The following KTN1 variants were observed in gnomAD, a reference collection of about 807,000 sequenced individuals.
KTN1 encodes the protein kinectin.
In KTN1, 130 loss-of-function variants were observed where a neutral mutation model predicts 222.5. That is an observed-to-expected ratio of 0.58 (90% CI 0.51 to 0.68). The LOEUF is 0.68. Ranked by LOEUF, KTN1 falls within the 30% of genes least tolerant of loss-of-function variation. The pLI is 0.00. For synonymous variants in KTN1, 512 were observed against 496.3 expected, an observed-to-expected ratio of 1.03 and a Z score of -0.42; for missense variants, 1,508 against 1,500.4, an observed-to-expected ratio of 1.01 and a Z score of -0.08.
At chr14:55,627,209 G>A (rs2039951280) in intron 5 of KTN1, among the ~76,000 whole-genome samples, 1 of 152,088 alleles carries the variant, frequency 6.6e-6, no homozygotes, top group Non-Finnish European at 1.5e-5. Flanking sequence ...TCTTGACTCT[G>A]AGTTTAAAAC....
chr14:55,642,490 G>A (rs757847623), intron 18 of KTN1, among the ~76,000 whole-genome samples: 5 of 152,000 alleles, frequency 3.3e-5, no homozygotes, highest in Non-Finnish European at 4.4e-5. Context: ...CTTCTTCTAC[G>A]CAGCTCTTAC....
intron 28 of KTN1, among the ~76,000 whole-genome samples, chr14:55,655,017 T>A (rs1176339046): frequency 6.6e-6 from 1 of 152,142 alleles, no homozygotes; most frequent in Non-Finnish European, 1.5e-5. Context: ...TCTTTCTCTG[T>A]GGCCCAGGCT....
At chr14:55,602,625 A>G (rs2036149170) in intron 1 of KTN1, among the ~76,000 whole-genome samples, 1 of 149,294 alleles carries the variant, frequency 6.7e-6, no homozygotes, top group Non-Finnish European at 1.5e-5. Context: ...TCTGTCGCCC[A>G]TGTTAGAGTG....
chr14:55,583,971 C>T (rs1041790897), intron 1 of KTN1, among the ~76,000 whole-genome samples: 1 of 152,192 alleles, frequency 6.6e-6, no homozygotes, highest in Non-Finnish European at 1.5e-5. Context: ...CTTACTGCTT[C>T]CACTGCTCAC....
chr14:55,620,191 G>A (rs1394343879), intron 5 of KTN1, among the ~76,000 whole-genome samples: 1 of 152,192 alleles, frequency 6.6e-6, no homozygotes, highest in Admixed American at 6.5e-5. Context: ...GTTTCAAGAG[G>A]TGGATTCCCA....
intron 1 of KTN1, among the ~76,000 whole-genome samples, chr14:55,583,723 C>T (rs2032274588): frequency 6.6e-6 from 1 of 152,138 alleles, no homozygotes; most frequent in Non-Finnish European, 1.5e-5. Flanking sequence ...GCTGATGGCT[C>T]CCATATTTAT....
At chr14:55,630,122 A>G (rs768749987) in intron 7 of KTN1, 25 bp downstream of exon 7, 4 of 1,603,330 alleles carry the variant, frequency 2.5e-6, no homozygotes, top group Non-Finnish European at 3.4e-6. Context: ...TTTGGAAACA[A>G]GATGAAATGG....
intron 34 of KTN1, chr14:55,668,076 C>G (rs200953025): frequency 6.6e-6 from 1 of 152,002 alleles, no homozygotes; most frequent in Non-Finnish European, 1.5e-5. Flanking sequence ...TGAAGGAACT[C>G]AAACATCAGA....
At chr14:55,586,727 GATTTAA>G (rs1442873174) in intron 1 of KTN1, among the ~76,000 whole-genome samples, 2 of 152,008 alleles carry the variant, frequency 1.3e-5, no homozygotes, top group Non-Finnish European at 2.9e-5. Flanking sequence ...TAAAACTAGT[GATTTAA>G]ATTTAAAGAC....
At chr14:55,636,570 T>C (rs778769162) in intron 10 of KTN1, 34 bp downstream of exon 10, 1 of 1,522,896 alleles carries the variant, frequency 6.6e-7, no homozygotes, top group Non-Finnish European at 9.0e-7. Flanking sequence ...AAACTTTGTA[T>C]ATAATTTTGG....
chr14:55,581,076 C>A (rs148673846), intron 1 of KTN1, among the ~76,000 whole-genome samples: 1 of 152,236 alleles, frequency 6.6e-6, no homozygotes, highest in East Asian at 1.9e-4. Flanking sequence ...TTCGGCCTGA[C>A]CCCTTCAGTT....
chr14:55,607,284 C>T (rs565435122), intron 1 of KTN1: 12 of 152,214 alleles, frequency 7.9e-5, no homozygotes, highest in Admixed American at 1.3e-4. Flanking sequence ...ATTTGTAATA[C>T]GTACTCTGAC....
At chr14:55,616,733 G>A (rs2038453765) in intron 3 of KTN1, 79 bp downstream of exon 3, 4 of 1,111,730 alleles carry the variant, frequency 3.6e-6, no homozygotes, top group Non-Finnish European at 5.1e-6. Flanking sequence ...AATCTCACAC[G>A]CTCTTTAGCT....
At chr14:55,678,233 A>G (rs1362659875) in intron 41 of KTN1, 119 bp from the exon 42 acceptor site, 3 of 631,614 alleles carry the variant, frequency 4.7e-6, no homozygotes, top group East Asian at 2.8e-5. Flanking sequence ...TTTGGAGGGA[A>G]AAACCTGTGT....
chr14:55,632,273 C>G (rs1337498903), intron 7 of KTN1, among the ~76,000 whole-genome samples: 1 of 152,206 alleles, frequency 6.6e-6, no homozygotes, highest in East Asian at 1.9e-4. Context: ...TTAAGTGATT[C>G]ATCCTGTTTT....
chr14:55,619,746 C>T (rs1314743560), intron 5 of KTN1, among the ~76,000 whole-genome samples: 1 of 151,972 alleles, frequency 6.6e-6, no homozygotes, highest in Non-Finnish European at 1.5e-5. Context: ...CCACCAGGTC[C>T]CTCCCACAAC....
chr14:55,618,206 T>A, intron 4 of KTN1, 72 bp downstream of exon 4: 1 of 1,132,970 alleles, frequency 8.8e-7, no homozygotes, highest in South Asian at 1.8e-5. Context: ...AGTCATAGAT[T>A]TCATTTTCTC....
chr14:55,620,072 A>G (rs1294386442), intron 5 of KTN1, among the ~76,000 whole-genome samples: 1 of 152,210 alleles, frequency 6.6e-6, no homozygotes, highest in Non-Finnish European at 1.5e-5. Flanking sequence ...AATTGGCCAA[A>G]ATAAAAGGGC....
At chr14:55,677,473 TAAAAAAAAAA>T (rs72424779) in intron 41 of KTN1, among the ~76,000 whole-genome samples, 1 of 98,362 alleles carries the variant, frequency 1.0e-5, no homozygotes, top group Non-Finnish European at 2.1e-5. Context: ...AAAGACTGTC[TAAAAAAAAAA>T]AAAAAAAAAA....
Sources: allele counts gnomAD v4.1 joint callset (sites outside exome capture counted in the v4.1 genomes callset), GRCh38; gene constraint gnomAD v4.1.1; transcripts MANE v1.5; gene names NCBI Gene and HGNC (gene_info 2026-07-23, HGNC 2026-07-21).